CA10: variants seen among roughly 807,000 people sequenced by gnomAD.
CA10 encodes the protein carbonic anhydrase 10 (inactive).
Under a neutral mutation model 44.2 loss-of-function variants are expected in CA10, and 14 were observed. The observed-to-expected ratio is 0.32, with a 90% confidence interval of 0.21 to 0.50. The LOEUF (loss-of-function observed/expected upper bound fraction) is 0.50, where lower values mean the gene tolerates loss of function less well. Ranked by LOEUF, CA10 falls within the 20% of genes least tolerant of loss-of-function variation. The probability of loss-of-function intolerance (pLI) is 0.99; values close to 1 mark genes in which losing one functional copy is unlikely to be tolerated. For synonymous variants in CA10, 159 were observed against 141.6 expected (o/e 1.12, Z -0.87); for missense variants, 350 against 409.7 (o/e 0.85, Z 1.26).
At chr17:52,135,522 G>GACTCCTCCTATAGCTTATTAAAT in intron 1 of CA10, among the ~76,000 whole-genome samples, 1 of 152,206 alleles carries the variant, frequency 6.6e-6, no homozygotes, top group Admixed American at 6.5e-5. Flanking sequence ...GAATATTCAT[G>GACTCCTCCTATAGCTTATTAAAT]ACTCCTCCTA....
Position 51,937,751 on chromosome 17 carries a change from T to A in CA10, c.137-6619A>T, listed in dbSNP as rs75357175. ...AATAGTTATAACAAAATATGATAGATGTTATAATAAGGGTATGTGTATATT... is the reference window on the plus strand; with the variant it reads ...AATAGTTATAACAAAATATGATAGAAGTTATAATAAGGGTATGTGTATATT... On this transcript the variant is annotated intron_variant, in intron 2 of 8. Transcript: ENST00000451037. Among the ~76,000 whole-genome samples the A allele has an allele frequency of 6.0e-3, 914 of 152,230 alleles. 6 individuals carry two copies. Among genetic ancestry groups the A allele is most frequent in the African/African-American group, 0.021 (870 of 41,556 alleles).
chr17:51,848,865 C>A (rs1188794840), intron 3 of CA10, among the ~76,000 whole-genome samples: 1 of 151,860 alleles, frequency 6.6e-6, no homozygotes. Flanking sequence ...AGGGCAAAAT[C>A]GCGAGACCCT....
intron 4 of CA10, among the ~76,000 whole-genome samples, chr17:51,667,127 G>A (rs894701687): frequency 3.3e-5 from 5 of 152,214 alleles, no homozygotes; most frequent in African/African-American, 1.2e-4. Context: ...AGAGGACAAT[G>A]AGATCTGTTT....
At chr17:51,654,403 A>G (rs1972611761) in intron 4 of CA10, among the ~76,000 whole-genome samples, 1 of 152,202 alleles carries the variant, frequency 6.6e-6, no homozygotes, top group South Asian at 2.1e-4. Flanking sequence ...GTTCAAACAG[A>G]TGCTCCAGCA....
intron 4 of CA10, among the ~76,000 whole-genome samples, chr17:51,667,763 G>C (rs1372040548): frequency 6.6e-6 from 1 of 152,142 alleles, no homozygotes; most frequent in African/African-American, 2.4e-5. Context: ...GAAGGAGGGA[G>C]AGCCAAATTA....
At chr17:52,071,280 C>T (rs1043891928) in intron 2 of CA10, among the ~76,000 whole-genome samples, 13 of 152,190 alleles carry the variant, frequency 8.5e-5, no homozygotes, top group Non-Finnish European at 1.6e-4. Context: ...AGCCAGTTGG[C>T]TTTTTCCTGG....
In CA10 at chr17:51,839,182, G is replaced by A. The variant is rs1978298829; in HGVS notation, c.280-91364C>T. Among the ~76,000 whole-genome samples the A allele has an allele frequency of 2.0e-5, 3 of 152,148 alleles. No homozygotes were observed. In the South Asian group the frequency reaches 6.2e-4, roughly 32 times the overall value. ...ATCCAGTGCTTCCCTACCATGTGCA[G>A]AATGTTGTGATTAAGAAGGCACTAC... On this transcript the variant is annotated intron_variant, in intron 3 of 8. Transcript: ENST00000451037.
In CA10 at chr17:52,020,335, C is replaced by T. The variant is rs1986098286; in HGVS notation, c.136+51984G>A. On this transcript the variant is annotated intron_variant, in intron 2 of 8. Transcript: ENST00000451037. ...GTTTTGGGGGGGTGGTATTTTAATT[C>T]TGCATAAATTTTAAACTCAAAACAA... Among the ~76,000 whole-genome samples the T allele has an allele frequency of 3.3e-5, 5 of 151,998 alleles. No homozygotes were observed. The South Asian group carries it at 1.0e-3, about 31-fold the overall frequency.
rs1912817693 is a variant in CA10, at chr17:51,636,133, T to C, written c.635-124A>G. 5.9e-6 allele frequency: 3 copies of C among 504,668 alleles called. No individual in the cohort carries two copies. In the African/African-American group the frequency reaches 6.0e-5, roughly 10 times the overall value. 31.3% of individuals were successfully genotyped at this position (504,668 alleles called of 1,614,324 possible). On this transcript the variant is annotated intron_variant, in intron 6 of 8. Coordinates refer to ENST00000451037, the MANE Select transcript of CA10 (RefSeq NM_020178.5). ...ATACATATATACACACACAGATATA[T>C]ATGTATTTCTTTTGGAATTCCAGAA...
In CA10 at chr17:52,081,630, C is replaced by T. The variant is rs530918747; in HGVS notation, c.62-9237G>A. On this transcript the variant is annotated intron_variant, in intron 1 of 8. Transcript: ENST00000451037. ...CCCGGCTAAAACGGTGAAACCCCGTCTCTACTAAAAATACAAAAAATTAGC... is the reference window on the plus strand; with the variant it reads ...CCCGGCTAAAACGGTGAAACCCCGTTTCTACTAAAAATACAAAAAATTAGC... Among the ~76,000 whole-genome samples the T allele has an allele frequency of 3.6e-3, 546 of 151,986 alleles. 5 individuals are homozygous for T. Among genetic ancestry groups the T allele is most frequent in the South Asian group, 0.028 (135 of 4,790 alleles).
intron 5 of CA10, among the ~76,000 whole-genome samples, chr17:51,651,883 A>T (rs1913580668): frequency 6.6e-6 from 1 of 152,222 alleles, no homozygotes; most frequent in Non-Finnish European, 1.5e-5. Context: ...CACACATGAC[A>T]ATATTGTGAC....
intron 2 of CA10, among the ~76,000 whole-genome samples, chr17:52,001,547 G>T (rs185602701): frequency 0.019 from 2,913 of 152,006 alleles, 45 homozygotes; most frequent in Non-Finnish European, 0.03. Context: ...AGCAATTAAA[G>T]TATAAGTAAC....
intron 4 of CA10, among the ~76,000 whole-genome samples, chr17:51,692,765 A>G (rs935855972): frequency 6.6e-6 from 1 of 152,236 alleles, no homozygotes; most frequent in Non-Finnish European, 1.5e-5. Flanking sequence ...ATTTGTATGC[A>G]GGTTTTCATG....
At chr17:52,092,074 CCTGT>C (rs1228587483) in intron 1 of CA10, among the ~76,000 whole-genome samples, 3 of 152,020 alleles carry the variant, frequency 2.0e-5, no homozygotes, top group Non-Finnish European at 4.4e-5. Flanking sequence ...TCTTTCTCCG[CCTGT>C]CTGTCTCTGT....
chr17:51,973,247 T>C (rs1409059994), intron 2 of CA10, among the ~76,000 whole-genome samples: 1 of 152,228 alleles, frequency 6.6e-6, no homozygotes, highest in African/African-American at 2.4e-5. Flanking sequence ...TCCTGAATTG[T>C]TGCCAGAGGG....
chr17:51,797,850 CAAAAAAAAAA>C (rs58344941), intron 3 of CA10, among the ~76,000 whole-genome samples: 2 of 73,778 alleles, frequency 2.7e-5, no homozygotes, highest in Non-Finnish European at 5.0e-5. Flanking sequence ...GGCTCCATCT[CAAAAAAAAAA>C]AAAAAAAAAA....
At chr17:51,859,360 G>C (rs1160644539) in intron 3 of CA10, among the ~76,000 whole-genome samples, 1 of 152,138 alleles carries the variant, frequency 6.6e-6, no homozygotes, top group Non-Finnish European at 1.5e-5. Flanking sequence ...AGTGACAGCA[G>C]GTAAACAATT....
intron 2 of CA10, among the ~76,000 whole-genome samples, chr17:52,066,237 G>A (rs962339721): frequency 8.5e-5 from 13 of 152,164 alleles, no homozygotes; most frequent in East Asian, 3.9e-4. Context: ...GGCAGAGGTT[G>A]GAATGGTTTG....
intron 1 of CA10, 134 bp from the exon 2 acceptor site, chr17:52,072,527 C>T: frequency 2.1e-6 from 1 of 483,654 alleles, no homozygotes; most frequent in Admixed American, 5.0e-5. Context: ...CAGAACCTTC[C>T]TTCTCCCTTC....
Sources: gnomAD v4.1 joint callset for allele counts (sites outside exome capture counted in the v4.1 genomes callset) on GRCh38, gnomAD v4.1.1 for gene constraint, MANE v1.5 for transcripts, NCBI Gene and HGNC (gene_info 2026-07-23, HGNC 2026-07-21) for gene names.